ZC3H3: variants seen among roughly 807,000 people sequenced by gnomAD.
ZC3H3 encodes zinc finger CCCH-type containing 3.
Under a neutral mutation model 77.3 loss-of-function variants are expected in ZC3H3, and 36 were observed. The observed-to-expected ratio is 0.47, with a 90% CI of 0.36 to 0.61. The LOEUF (loss-of-function observed/expected upper bound fraction) is 0.61, where lower values mean the gene tolerates loss of function less well. Among genes scored for constraint, ZC3H3 ranks in the 20% least tolerant of loss-of-function variants. ZC3H3 has a pLI of 0.00. For missense variants in ZC3H3, 1,331 were observed against 1,312.2 expected, an observed-to-expected ratio of 1.01 and a Z score of -0.22; for synonymous variants, 626 against 555.2, an observed-to-expected ratio of 1.13 and a Z score of -1.79.
chr8:143,484,167 G>A (rs963600710), intron 4 of ZC3H3, among the ~76,000 whole-genome samples: 8 of 152,194 alleles, frequency 5.3e-5, no homozygotes, highest in Middle Eastern at 6.3e-3. Context: ...TGGCTCCCCC[G>A]GCCCCTGGGC....
rs567638291 is a variant in ZC3H3 at position 143,534,545 on chromosome 8, A to G, written c.1561+1712T>C. On this transcript the variant is annotated intron_variant, in intron 3 of 11. Transcript: ENST00000262577. Reference sequence around the variant, plus strand: ...GGTGAGCAGGGCTGAACCTGCACCCAGTGGGGAGCCTCTCACCCCAACCAC... The same window carrying G: ...GGTGAGCAGGGCTGAACCTGCACCCGGTGGGGAGCCTCTCACCCCAACCAC... 2.0e-5 allele frequency among the ~76,000 whole-genome samples: 3 copies of G among 152,230 alleles called. No individual in the cohort carries two copies. The South Asian group carries it at 6.2e-4, about 32-fold the overall frequency.
At chr8:143,457,464 G>A (rs1168299755) in intron 9 of ZC3H3, among the ~76,000 whole-genome samples, 7 of 152,152 alleles carry the variant, frequency 4.6e-5, no homozygotes, top group African/African-American at 7.2e-5. Context: ...GGGCTTGGTG[G>A]CTCATACCTA....
chr8:143,538,432 T>C lies in ZC3H3; in HGVS notation c.935A>G (p.Lys312Arg). The C allele has an allele frequency of 1.9e-6, 3 of 1,613,192 alleles. No individual in the cohort carries two copies. The highest frequency in any genetic ancestry group is 1.7e-6 in the Non-Finnish European group (2 of 1,180,026). Residue 312 changes from lysine to arginine, a missense_variant, in exon 2 of 12, where the codon AAA becomes AGA. Lys to Arg is a conservative substitution (Grantham distance 26, BLOSUM62 2). Coordinates refer to ENST00000262577, the MANE Select transcript of ZC3H3 (RefSeq NM_015117.3). Reference sequence around the variant, plus strand: ...ACTCTTCGAGGAGGCAGCCACCCATTTGTAGTTGTTTTTCCGGAACTTGTT... The same window carrying C: ...ACTCTTCGAGGAGGCAGCCACCCATCTGTAGTTGTTTTTCCGGAACTTGTT... The part of the protein sequence containing the change: ...RTNKFRKNNY[K>R]WVAASSKSPR...
chr8:143,443,014 G>A (rs541725542), intron 9 of ZC3H3, among the ~76,000 whole-genome samples: 16 of 152,184 alleles, frequency 1.1e-4, no homozygotes, highest in Middle Eastern at 3.4e-3. Context: ...GGCTCACGCC[G>A]GTAATTCCAG....
intron 3 of ZC3H3, among the ~76,000 whole-genome samples, chr8:143,512,651 G>A (rs537570046): frequency 8.5e-5 from 13 of 152,276 alleles, no homozygotes; most frequent in East Asian, 7.7e-4. Context: ...GAGTTCACCC[G>A]GCCCCCGGAC....
intron 9 of ZC3H3, among the ~76,000 whole-genome samples, chr8:143,461,580 C>T (rs1043839507): frequency 1.5e-4 from 23 of 152,108 alleles, no homozygotes; most frequent in African/African-American, 3.9e-4. Flanking sequence ...GTATTATTCA[C>T]GACAGCCCCC....
At chr8:143,439,866 A>G (rs62521891) in intron 11 of ZC3H3, among the ~76,000 whole-genome samples, 175 bp downstream of exon 11, 1,631 of 60,258 alleles carry the variant, frequency 0.027, 79 homozygotes, top group Middle Eastern at 0.064. Flanking sequence ...GAGCCAGGCC[A>G]TGCTGCCTAC....
intron 4 of ZC3H3, among the ~76,000 whole-genome samples, chr8:143,506,001 C>T (rs1821681223): frequency 6.6e-6 from 1 of 152,236 alleles, no homozygotes; most frequent in South Asian, 2.1e-4. Context: ...TGACCCGCTG[C>T]TCTCAGCCAC....
chr8:143,512,448 C>T lies in ZC3H3; in HGVS notation c.1562-4549G>A, dbSNP rs931623380. Among the ~76,000 whole-genome samples, 78 of 152,268 alleles carry T rather than the reference C, an allele frequency of 5.1e-4. 1 individual carries two copies. Among genetic ancestry groups the T allele is most frequent in the Non-Finnish European group, 2.2e-4 (15 of 68,044 alleles). The stretch of plus-strand genomic sequence containing the variant: ...TTTCTGTGTCTTTCCAGTCCTCTTG[C>T]AGTTTCTGAGGCGGTGCCAACTCTG... On this transcript the variant is annotated intron_variant, in intron 3 of 11. Transcript: ENST00000262577.
chr8:143,473,145 C>T (rs773773124), intron 5 of ZC3H3, among the ~76,000 whole-genome samples: 7 of 152,180 alleles, frequency 4.6e-5, no homozygotes, highest in Admixed American at 1.3e-4. Context: ...TCGTGACTAC[C>T]GGGAGCTTTC....
chr8:143,521,358 C>G (rs1268822018), intron 3 of ZC3H3, among the ~76,000 whole-genome samples: 1 of 139,256 alleles, frequency 7.2e-6, no homozygotes, highest in African/African-American at 2.5e-5. Flanking sequence ...CCACTGGTAC[C>G]CCCTCCCAGG....
chr8:143,469,752 C>G lies in ZC3H3; in HGVS notation c.1904-1093G>C, dbSNP rs1773104247. ...CACAGCCCTGCCTGCCTTTTACAGA[C>G]AGAGGTCACCCAGGATCACGGGGTG... On this transcript the variant is annotated intron_variant, in intron 5 of 11. Transcript: ENST00000262577. Among the ~76,000 whole-genome samples, 3 of 152,170 alleles carry G rather than the reference C, an allele frequency of 2.0e-5. 1 individual carries two copies. Among genetic ancestry groups the G allele is most frequent in the South Asian group, 4.1e-4 (2 of 4,830 alleles).
intron 2 of ZC3H3, among the ~76,000 whole-genome samples, chr8:143,537,794 C>T (rs938245898): frequency 3.9e-5 from 6 of 152,234 alleles, no homozygotes; most frequent in South Asian, 2.1e-4. Flanking sequence ...GTGTGAGGGA[C>T]GGGAAACCTG....
At chr8:143,491,128 C>G (rs577501591) in intron 4 of ZC3H3, among the ~76,000 whole-genome samples, 81 of 152,334 alleles carry the variant, frequency 5.3e-4, no homozygotes, top group African/African-American at 1.5e-3. Flanking sequence ...ACACACATAT[C>G]CACGGCTGGG....
chr8:143,437,960 G>A lies in ZC3H3; in HGVS notation c.*96C>T, dbSNP rs1819628288. The A allele has an allele frequency of 1.3e-6, 2 of 1,511,032 alleles. No homozygotes were observed. The highest frequency in any genetic ancestry group is 1.4e-5 in the African/African-American group (1 of 72,594). 93.6% of individuals were successfully genotyped at this position (1,511,032 alleles called of 1,614,324 possible). A position where few individuals can be genotyped will look rare whatever the true frequency, so the allele number is the denominator to read the frequency against. ...TGTGGCCCCCAGGTGAGGCTTGGTG[G>A]CGGGCGGCCCTCCTGTGGGGTAGAG... On this transcript the variant is annotated 3_prime_UTR_variant, in exon 12 of 12. Coordinates refer to ENST00000262577, the MANE Select transcript of ZC3H3 (RefSeq NM_015117.3).
chr8:143,512,821 C>T (rs552255994), intron 3 of ZC3H3, among the ~76,000 whole-genome samples: 3 of 152,328 alleles, frequency 2.0e-5, no homozygotes, highest in African/African-American at 4.8e-5. Flanking sequence ...AGAGTTCCCA[C>T]GATTAATCGC....
At chr8:143,519,108 C>T (rs908653194) in intron 3 of ZC3H3, among the ~76,000 whole-genome samples, 1 of 149,784 alleles carries the variant, frequency 6.7e-6, no homozygotes, top group Non-Finnish European at 1.5e-5. Context: ...GGTGACTCAC[C>T]GGCCTCTGAA....
At chr8:143,509,506 G>A (rs1821808131) in intron 3 of ZC3H3, among the ~76,000 whole-genome samples, 1 of 152,188 alleles carries the variant, frequency 6.6e-6, no homozygotes, top group African/African-American at 2.4e-5. Context: ...GGGCCTCAGG[G>A]CTGCCACCAG....
At chr8:143,461,555 C>T (rs928258079) in intron 9 of ZC3H3, among the ~76,000 whole-genome samples, 18 of 152,224 alleles carry the variant, frequency 1.2e-4, no homozygotes, top group African/African-American at 3.6e-4. Context: ...GGCTGGAGCG[C>T]GGACATTCGA....
Sources: gnomAD v4.1 joint callset for allele counts (sites outside exome capture counted in the v4.1 genomes callset) on GRCh38, gnomAD v4.1.1 for gene constraint, MANE v1.5 for transcripts, NCBI Gene and HGNC (gene_info 2026-07-23, HGNC 2026-07-21) for gene names.